RGS6: variants seen among roughly 807,000 people sequenced by gnomAD.
RGS6 encodes the protein regulator of G protein signaling 6, also known as regulator of G-protein signaling 6.
In RGS6, 30 loss-of-function variants were observed where a neutral mutation model predicts 78.5. That is an observed-to-expected ratio of 0.38 (90% confidence interval 0.29 to 0.52). RGS6 has a LOEUF of 0.52. Ranked by LOEUF, RGS6 falls within the 20% of genes least tolerant of loss-of-function variation. RGS6 has a pLI of 0.85. For synonymous variants in RGS6, 206 were observed against 206.0 expected (o/e 1.00, Z 0.00); for missense variants, 495 against 609.7 (o/e 0.81, Z 1.98).
intron 2 of RGS6, among the ~76,000 whole-genome samples, chr14:72,337,167 G>A (rs543599270): frequency 6.6e-6 from 1 of 152,140 alleles, no homozygotes; most frequent in East Asian, 1.9e-4. Context: ...CCACCATTAG[G>A]AAAGTTTCCC....
At chr14:72,590,681 G>A in the RGS6 span, among the ~76,000 whole-genome samples, 1 of 152,224 alleles carries the variant, frequency 6.6e-6, no homozygotes, top group Admixed American at 6.5e-5. Context: ...GCAGCAAAAA[G>A]TAACCAGTAA....
chr14:72,623,322 A>C, the RGS6 span, among the ~76,000 whole-genome samples: 1 of 152,242 alleles, frequency 6.6e-6, no homozygotes, highest in Non-Finnish European at 1.5e-5. Context: ...GTCCCTAAAA[A>C]AAACAAAAGA....
At chr14:71,889,381 C>T in the RGS6 span, among the ~76,000 whole-genome samples, 1 of 152,206 alleles carries the variant, frequency 6.6e-6, no homozygotes, top group East Asian at 1.9e-4. Flanking sequence ...CTATAAGGAT[C>T]TTAAATTGTG....
intron 14 of RGS6, among the ~76,000 whole-genome samples, chr14:72,513,055 C>T (rs942303357): frequency 1.3e-5 from 2 of 152,214 alleles, no homozygotes; most frequent in African/African-American, 2.4e-5. Context: ...GTGAGGGGCC[C>T]AGGCCACTGG....
At chr14:72,527,644 T>G (rs558401753) in intron 15 of RGS6, among the ~76,000 whole-genome samples, 1 of 152,348 alleles carries the variant, frequency 6.6e-6, no homozygotes. Flanking sequence ...CATGAAATTA[T>G]TATTGCCACT....
At chr14:72,168,227 C>A (rs915013766) in intron 2 of RGS6, among the ~76,000 whole-genome samples, 1 of 152,182 alleles carries the variant, frequency 6.6e-6, no homozygotes, top group African/African-American at 2.4e-5. Flanking sequence ...GGTGCACACT[C>A]AGGTGACCCA....
chr14:71,969,731 C>T (rs1375260189), intron 2 of RGS6, among the ~76,000 whole-genome samples: 7 of 152,144 alleles, frequency 4.6e-5, no homozygotes, highest in African/African-American at 9.7e-5. Flanking sequence ...ATGCACTCAC[C>T]ATTAGCTTAA....
the RGS6 span, among the ~76,000 whole-genome samples, chr14:71,921,515 A>G: frequency 6.6e-6 from 1 of 152,264 alleles, no homozygotes; most frequent in Non-Finnish European, 1.5e-5. Context: ...ATGGAATATT[A>G]TCCAGCCCTA....
chr14:72,009,978 A>G (rs2153228744), intron 2 of RGS6, among the ~76,000 whole-genome samples: 1 of 152,340 alleles, frequency 6.6e-6, no homozygotes, highest in South Asian at 2.1e-4. Flanking sequence ...TCTGTGGCCT[A>G]GAAGAATCAA....
chr14:72,269,713 C>T lies in RGS6; in HGVS notation c.85-82382C>T, dbSNP rs142365442. On this transcript the variant is annotated intron_variant, in intron 2 of 17. Coordinates refer to ENST00000553525, the MANE Select transcript of RGS6 (RefSeq NM_001204424.2). ...CCAAATAGCTGGGACTACAGGCACC[C>T]ACCACCATGCCTGATTAACTTTTGC... 3.1e-3 allele frequency among the ~76,000 whole-genome samples: 469 copies of T among 151,908 alleles called. 1 individual carries two copies. Among genetic ancestry groups the T allele is most frequent in the African/African-American group, 0.011 (452 of 41,390 alleles).
chr14:72,540,033 TCC>T lies in RGS6; in HGVS notation c.1369-7_1369-6del. The T allele has an allele frequency of 4.5e-6, 7 of 1,563,498 alleles. No individual in the cohort carries two copies. Among genetic ancestry groups the T allele is most frequent in the African/African-American group, 2.7e-5 (2 of 72,782 alleles). On this transcript the variant is annotated splice_polypyrimidine_tract_variant and splice_region_variant and intron_variant, in intron 16 of 17. Transcript: ENST00000553525. Reference sequence around the variant, plus strand: ...TTTTCTCCCTACCCTTTTTTTTTTTTCCTAAAGCCAGAAAGTGAGCAAGGTCG... The same window carrying T: ...TTTTCTCCCTACCCTTTTTTTTTTTTTAAAGCCAGAAAGTGAGCAAGGTCG...
chr14:72,402,792 T>TG lies in RGS6; in HGVS notation c.184+50598_184+50599insG, dbSNP rs1335938557. Among the ~76,000 whole-genome samples the TG allele has an allele frequency of 1.9e-3, 152 of 81,562 alleles. 1 individual carries two copies. The highest frequency in any genetic ancestry group is 4.3e-3 in the South Asian group (7 of 1,628). The allele number at this position is 81,562 out of a possible 152,430, so 53.5% of individuals were successfully genotyped here. A position where few individuals can be genotyped will look rare whatever the true frequency, so the allele number is the denominator to read the frequency against. ...GTTTTATATTTTTTGTTTTTTTGGTTTTTTTTTTTTTTTTTTTTTTTTGAG... is the reference window on the plus strand; with the variant it reads ...GTTTTATATTTTTTGTTTTTTTGGTTGTTTTTTTTTTTTTTTTTTTTTTGAG... On this transcript the variant is annotated intron_variant, in intron 3 of 17. Coordinates refer to ENST00000553525, the MANE Select transcript of RGS6 (RefSeq NM_001204424.2).
At chr14:72,305,133 C>T (rs181434515) in intron 2 of RGS6, among the ~76,000 whole-genome samples, 7 of 152,228 alleles carry the variant, frequency 4.6e-5, no homozygotes, top group Non-Finnish European at 7.4e-5. Context: ...TATTTCTGGC[C>T]TTTCTCTTAT....
chr14:72,164,348 A>G (rs373008091), intron 2 of RGS6, among the ~76,000 whole-genome samples: 2 of 152,292 alleles, frequency 1.3e-5, no homozygotes, highest in East Asian at 3.9e-4. Context: ...TACCCTGTGA[A>G]GTGGAGCTCA....
At chr14:72,317,298 A>T (rs1438025265) in intron 2 of RGS6, among the ~76,000 whole-genome samples, 1 of 152,098 alleles carries the variant, frequency 6.6e-6, no homozygotes, top group East Asian at 1.9e-4. Context: ...AGATTGAGGG[A>T]ATTTGATGAA....
At chr14:71,919,719 C>T in the RGS6 span, among the ~76,000 whole-genome samples, 52 of 152,050 alleles carry the variant, frequency 3.4e-4, no homozygotes, top group Non-Finnish European at 4.1e-4. Flanking sequence ...TTAAGCTGGG[C>T]GCGGTGGCTC....
chr14:72,265,212 G>A (rs1231774970), intron 2 of RGS6, among the ~76,000 whole-genome samples: 1 of 152,206 alleles, frequency 6.6e-6, no homozygotes, highest in Admixed American at 6.5e-5. Context: ...TGTTAAATTA[G>A]TGGGGTGTGG....
chr14:72,395,596 A>G (rs1184290605), intron 3 of RGS6, among the ~76,000 whole-genome samples: 3 of 152,040 alleles, frequency 2.0e-5, no homozygotes, highest in Non-Finnish European at 4.4e-5. Context: ...GGTTTGTTAC[A>G]TATGTATACA....
intron 1 of RGS6, among the ~76,000 whole-genome samples, chr14:71,952,823 AAAAG>A (rs143500647): frequency 0.086 from 13,131 of 152,136 alleles, 760 homozygotes; most frequent in East Asian, 0.19. Context: ...TCCTTTTTAA[AAAAG>A]AAAGAAAACA....
Sources: gnomAD v4.1 joint callset for allele counts (sites outside exome capture counted in the v4.1 genomes callset) on GRCh38, gnomAD v4.1.1 for gene constraint, MANE v1.5 for transcripts, NCBI Gene and HGNC (gene_info 2026-07-23, HGNC 2026-07-21) for gene names.